Variants in SMAP1 observed in about 807,000 individuals in gnomAD.
The protein encoded by SMAP1 is stromal membrane-associated protein 1.
A neutral mutation model predicts 58.5 loss-of-function variants in SMAP1; 24 were observed. The ratio of observed to expected loss-of-function variants is 0.41; its 90% confidence interval spans 0.30 to 0.58. The LOEUF is 0.58. SMAP1 is among the 20% of genes least tolerant of loss of function. The probability of loss-of-function intolerance (pLI) is 0.29; values close to 1 mark genes in which losing one functional copy is unlikely to be tolerated. For synonymous variants in SMAP1, 216 were observed against 196.6 expected (o/e 1.10, Z -0.82); for missense variants, 563 against 566.3 (o/e 0.99, Z 0.06).
intron 1 of SMAP1, among the ~76,000 whole-genome samples, chr6:70,721,076 C>T (rs1233167145): frequency 6.6e-6 from 1 of 152,162 alleles, no homozygotes; most frequent in East Asian, 1.9e-4. Flanking sequence ...AAATTAGGCT[C>T]CTTGCTACTT....
intron 1 of SMAP1, among the ~76,000 whole-genome samples, chr6:70,689,865 A>T (rs1767085706): frequency 6.6e-6 from 1 of 152,190 alleles, no homozygotes; most frequent in African/African-American, 2.4e-5. Context: ...TCTGATTATT[A>T]CTAGTATATA....
chr6:70,693,029 C>G (rs2149820017), intron 1 of SMAP1, among the ~76,000 whole-genome samples: 1 of 152,022 alleles, frequency 6.6e-6, no homozygotes, highest in African/African-American at 2.4e-5. Context: ...ATGATCTGCC[C>G]ACCTCGGCCT....
At chr6:70,833,172 T>C (rs1770433577) in intron 6 of SMAP1, among the ~76,000 whole-genome samples, 1 of 152,192 alleles carries the variant, frequency 6.6e-6, no homozygotes, top group African/African-American at 2.4e-5. Context: ...ACCTATGTAG[T>C]TTGTGCTTTG....
chr6:70,835,919 G>GAATGTGTAA (rs1268565413), intron 6 of SMAP1, among the ~76,000 whole-genome samples: 1 of 152,148 alleles, frequency 6.6e-6, no homozygotes, highest in Non-Finnish European at 1.5e-5. Flanking sequence ...AGTAAGTTTG[G>GAATGTGTAA]AATGTGTAAC....
chr6:70,686,470 A>G (rs779063432), intron 1 of SMAP1, among the ~76,000 whole-genome samples: 23 of 152,188 alleles, frequency 1.5e-4, no homozygotes, highest in Non-Finnish European at 2.9e-4. Flanking sequence ...AACTTTTGTC[A>G]GGGTTACTTT....
intron 6 of SMAP1, among the ~76,000 whole-genome samples, chr6:70,824,752 A>G (rs1335248364): frequency 6.6e-6 from 1 of 152,120 alleles, no homozygotes; most frequent in Admixed American, 6.5e-5. Context: ...TGATACACAT[A>G]TTTTCTATCA....
intron 1 of SMAP1, among the ~76,000 whole-genome samples, chr6:70,696,503 C>T (rs1767411273): frequency 6.6e-6 from 1 of 152,018 alleles, no homozygotes; most frequent in Non-Finnish European, 1.5e-5. Flanking sequence ...TCATTGACGC[C>T]TTGGCCTTTC....
intron 4 of SMAP1, among the ~76,000 whole-genome samples, chr6:70,789,503 T>G (rs891961283): frequency 3.9e-5 from 6 of 152,050 alleles, no homozygotes; most frequent in Non-Finnish European, 8.8e-5. Context: ...CCTGTTCATC[T>G]GTCCATTGAC....
intron 2 of SMAP1, among the ~76,000 whole-genome samples, chr6:70,745,520 T>C (rs1296935651): frequency 1.3e-5 from 2 of 152,224 alleles, no homozygotes; most frequent in Non-Finnish European, 2.9e-5. Flanking sequence ...TCTGTTCTGT[T>C]CCATTGGTCT....
At chr6:70,860,135 G>A (rs1771647062) in intron 10 of SMAP1, 65 bp from the exon 11 acceptor site, 2 of 1,500,014 alleles carry the variant, frequency 1.3e-6, no homozygotes, top group Non-Finnish European at 1.8e-6. Flanking sequence ...CAACTGTGTG[G>A]CTAAAGAAAC....
At chr6:70,849,805 A>G (rs1771119176) in intron 7 of SMAP1, among the ~76,000 whole-genome samples, 1 of 152,212 alleles carries the variant, frequency 6.6e-6, no homozygotes, top group Admixed American at 6.5e-5. Flanking sequence ...CTCACATTGC[A>G]CAACTGTCAC....
chr6:70,712,095 G>A (rs941540575), intron 1 of SMAP1, among the ~76,000 whole-genome samples: 1 of 152,136 alleles, frequency 6.6e-6, no homozygotes, highest in African/African-American at 2.4e-5. Flanking sequence ...TTATGTTGAG[G>A]AAGTTTCCTT....
rs543635050 is a variant in SMAP1, at chr6:70,860,115, A to G, written c.1270-85A>G. 1.4e-5 allele frequency: 20 copies of G among 1,456,094 alleles called. No homozygotes were observed. In the South Asian group the frequency reaches 2.4e-4, roughly 18 times the overall value. The allele number at this position is 1,456,094 out of a possible 1,614,324, so 90.2% of individuals were successfully genotyped here. A position where few individuals can be genotyped will look rare whatever the true frequency, so the allele number is the denominator to read the frequency against. Reference sequence around the variant, plus strand: ...GCTTGGACTAGTTGTCACATTAATGAAAAAATGACCAACTGTGTGGCTAAA... The same window carrying G: ...GCTTGGACTAGTTGTCACATTAATGGAAAAATGACCAACTGTGTGGCTAAA... On this transcript the variant is annotated intron_variant, in intron 10 of 10. Coordinates refer to ENST00000370455, the MANE Select transcript of SMAP1 (RefSeq NM_001044305.3).
At chr6:70,689,680 TAG>T (rs1198165366) in intron 1 of SMAP1, among the ~76,000 whole-genome samples, 3 of 152,316 alleles carry the variant, frequency 2.0e-5, no homozygotes, top group South Asian at 2.1e-4. Context: ...TCTTTTAATA[TAG>T]AGTCTTCCAA....
At chr6:70,844,975 T>G (rs1395202108) in intron 7 of SMAP1, among the ~76,000 whole-genome samples, 1 of 152,232 alleles carries the variant, frequency 6.6e-6, no homozygotes. Flanking sequence ...CTGTTTCCAC[T>G]TTAATTTCAT....
rs937216256 is a variant in SMAP1 at position 70,702,538 on chromosome 6, T to C, written c.119-29840T>C. 5.3e-5 allele frequency among the ~76,000 whole-genome samples: 8 copies of C among 152,236 alleles called. No individual in the cohort carries two copies. The East Asian group carries it at 5.8e-4, about 11-fold the overall frequency. ...CCCAGTCATTATAGTTTGCATCTTATAGAAGTTTGATTTGGATCTTTTGTG... is the reference window on the plus strand; with the variant it reads ...CCCAGTCATTATAGTTTGCATCTTACAGAAGTTTGATTTGGATCTTTTGTG... On this transcript the variant is annotated intron_variant, in intron 1 of 10. Coordinates refer to ENST00000370455, the MANE Select transcript of SMAP1 (RefSeq NM_001044305.3).
intron 3 of SMAP1, among the ~76,000 whole-genome samples, chr6:70,756,967 C>G (rs1398178906): frequency 1.3e-5 from 2 of 152,042 alleles, no homozygotes; most frequent in Non-Finnish European, 2.9e-5. Context: ...AGATTCAATG[C>G]CATCCCCATC....
intron 2 of SMAP1, among the ~76,000 whole-genome samples, chr6:70,740,457 C>T (rs1305087622): frequency 7.5e-6 from 1 of 133,876 alleles, no homozygotes; most frequent in Non-Finnish European, 1.5e-5. Flanking sequence ...ACTTGGGAGA[C>T]TCCATCTCAA....
intron 7 of SMAP1, among the ~76,000 whole-genome samples, chr6:70,845,314 G>C (rs901276566): frequency 6.6e-6 from 1 of 152,198 alleles, no homozygotes; most frequent in Non-Finnish European, 1.5e-5. Context: ...ATGCAGCTCT[G>C]TGTGTTTATA....
Sources: gnomAD v4.1 joint callset for allele counts (sites outside exome capture counted in the v4.1 genomes callset) on GRCh38, gnomAD v4.1.1 for gene constraint, MANE v1.5 for transcripts, NCBI Gene and HGNC (gene_info 2026-07-23, HGNC 2026-07-21) for gene names.